Variants in RP1 observed in about 807,000 individuals in gnomAD.
RP1 encodes the protein RP1 axonemal microtubule associated.
A neutral mutation model predicts 14.8 loss-of-function variants in RP1; 16 were observed. The observed-to-expected ratio is 1.08, with a 90% CI of 0.73 to 1.65. The LOEUF (loss-of-function observed/expected upper bound fraction) is 1.65. Ranked by LOEUF, RP1 falls within the 40% of genes most tolerant of loss-of-function variation. The probability of loss-of-function intolerance (pLI) is 0.00; values close to 1 mark genes in which losing one functional copy is unlikely to be tolerated. For synonymous variants in RP1, 876 were observed against 883.6 expected, an observed-to-expected ratio of 0.99 and a Z score of 0.15; for missense variants, 2,631 against 2,535.0, an observed-to-expected ratio of 1.04 and a Z score of -0.81.
At chr8:54,676,352 G>C (rs985776014) in intron 8 of RP1, among the ~76,000 whole-genome samples, 1 of 152,178 alleles carries the variant, frequency 6.6e-6, no homozygotes, top group Non-Finnish European at 1.5e-5. Context: ...GGTAGTAGGG[G>C]TTTTTCCGTT....
chr8:54,628,482 A>G lies in RP1; in HGVS notation c.4600A>G (p.Thr1534Ala), dbSNP rs1372960521. 6.2e-7 allele frequency: 1 copy of G among 1,613,698 alleles called. No individual in the cohort carries two copies. Among genetic ancestry groups the G allele is most frequent in the South Asian group, 1.1e-5 (1 of 90,986 alleles). The change falls in exon 4 of 4, where the codon ACA becomes GCA. Residue 1534 changes from threonine (T) to alanine (A), a missense_variant. By Grantham distance (58) the Thr-to-Ala change is moderately conservative. Transcript: ENST00000220676. ...TGAAATAATCAGTAAGAGGCTGGCA[A>G]CACCACCATCTTTAGATTTTTGCTA... ...IYEIISKRLA[T>A]PPSLDFCYDS... is the part of the protein sequence containing the mutation.
intron 12 of RP1, among the ~76,000 whole-genome samples, chr8:54,687,440 C>T (rs760221095): frequency 1.4e-4 from 21 of 152,252 alleles, no homozygotes; most frequent in Non-Finnish European, 2.5e-4. Flanking sequence ...AGGTATTTCT[C>T]CTAATGCTAT....
chr8:54,583,996 T>G (rs913999716), intron 1 of RP1, among the ~76,000 whole-genome samples: 2 of 152,200 alleles, frequency 1.3e-5, no homozygotes. Context: ...GTGTCTCTAT[T>G]TCCTTCAGTT....
At chr8:54,768,481 A>G (rs1172189126) in intron 22 of RP1, among the ~76,000 whole-genome samples, 1 of 152,172 alleles carries the variant, frequency 6.6e-6, no homozygotes, top group Non-Finnish European at 1.5e-5. Flanking sequence ...ACCTGCCCAC[A>G]CAGGGCACTT....
At chr8:54,699,082 A>G (rs1290636849) in intron 12 of RP1, among the ~76,000 whole-genome samples, 1 of 151,420 alleles carries the variant, frequency 6.6e-6, no homozygotes, top group Admixed American at 6.6e-5. Flanking sequence ...ATCATTTTGT[A>G]AATATTATAT....
At chr8:54,852,443 A>T (rs1186817914) in intron 25 of RP1, 1 of 528,744 alleles carries the variant, frequency 1.9e-6, no homozygotes, top group Admixed American at 4.4e-5. Flanking sequence ...GGGTACATAG[A>T]AGAAAAAGAG....
chr8:54,768,533 A>C (rs1809820978), intron 22 of RP1, among the ~76,000 whole-genome samples: 1 of 152,200 alleles, frequency 6.6e-6, no homozygotes, highest in Non-Finnish European at 1.5e-5. Flanking sequence ...GATGGAAGGA[A>C]TGAGAGTATG....
intron 1 of RP1, among the ~76,000 whole-genome samples, chr8:54,609,577 C>CTACT (rs1166561411): frequency 6.6e-6 from 1 of 152,180 alleles, no homozygotes; most frequent in East Asian, 1.9e-4. Context: ...CCCCACAAGC[C>CTACT]TACTATACCT....
intron 15 of RP1, among the ~76,000 whole-genome samples, chr8:54,719,151 C>A (rs1808476287): frequency 6.6e-6 from 1 of 152,096 alleles, no homozygotes; most frequent in African/African-American, 2.4e-5. Flanking sequence ...ACCATGCTGC[C>A]TATGGCCCCT....
intron 3 of RP1, among the ~76,000 whole-genome samples, chr8:54,637,437 A>G (rs1806372455): frequency 6.6e-6 from 1 of 152,184 alleles, no homozygotes; most frequent in African/African-American, 2.4e-5. Context: ...TTCCATTTGC[A>G]TTTTTATTTC....
In RP1 at chr8:54,852,670, C is replaced by T. The variant is rs910411389; in HGVS notation, c.3932C>T (p.Ser1311Leu). 3.2e-6 allele frequency: 4 copies of T among 1,231,716 alleles called. No individual in the cohort carries two copies. In the African/African-American group the frequency reaches 6.2e-5, roughly 19 times the overall value. The allele number at this position is 1,231,716 out of a possible 1,614,324, so 76.3% of individuals were successfully genotyped here. ...AACCTCATCGGTACCAGAGGTGATTCAGGAAAACGAAGACTTCATCAGTCC... is the reference window on the plus strand; with the variant it reads ...AACCTCATCGGTACCAGAGGTGATTTAGGAAAACGAAGACTTCATCAGTCC... The change falls in exon 26 of 29, where the codon TCA becomes TTA. Residue 1311 changes from serine to leucine, a missense_variant. Transcript: ENST00000637698.
intron 24 of RP1, among the ~76,000 whole-genome samples, chr8:54,833,349 C>A (rs11783394): frequency 0.24 from 36,793 of 151,760 alleles, 5,188 homozygotes; most frequent in Middle Eastern, 0.45. Flanking sequence ...TTTTCTCCCT[C>A]ATTTAAGGTC....
intron 1 of RP1, among the ~76,000 whole-genome samples, chr8:54,593,772 C>T (rs1805087351): frequency 1.3e-5 from 2 of 152,222 alleles, no homozygotes; most frequent in South Asian, 4.1e-4. Context: ...CAGTGGAACT[C>T]ATATCAGGCA....
At chr8:54,798,456 G>GAA (rs1484636594) in intron 24 of RP1, among the ~76,000 whole-genome samples, 1 of 152,186 alleles carries the variant, frequency 6.6e-6, no homozygotes, top group Non-Finnish European at 1.5e-5. Context: ...AAGGAAAACT[G>GAA]AAGTCCTCAC....
At chr8:54,724,391 T>C (rs888880882) in intron 16 of RP1, among the ~76,000 whole-genome samples, 11 of 152,156 alleles carry the variant, frequency 7.2e-5, no homozygotes, top group African/African-American at 2.4e-4. Flanking sequence ...GCCTTTATAG[T>C]CTGGTAGATC....
chr8:54,726,552 CTA>C (rs1474068532), intron 17 of RP1: 4 of 1,420,120 alleles, frequency 2.8e-6, no homozygotes, highest in Non-Finnish European at 3.7e-6. Context: ...TGCAGGAAGA[CTA>C]TTAAATTATT....
Position 54,724,194 on chromosome 8 carries a change from C to T in RP1, c.2390-2151C>T, listed in dbSNP as rs115946899. Among the ~76,000 whole-genome samples, 1,379 of 152,178 alleles carry T rather than the reference C, an allele frequency of 9.1e-3. 27 individuals carry two copies. Among genetic ancestry groups the T allele is most frequent in the African/African-American group, 0.031 (1,271 of 41,530 alleles). ...CATAAAATTCTGACTATGTATATTACGGTCTTAGAAAAATATGACAAAATA... is the reference window on the plus strand; with the variant it reads ...CATAAAATTCTGACTATGTATATTATGGTCTTAGAAAAATATGACAAAATA... On this transcript the variant is annotated intron_variant, in intron 16 of 22. Transcript: ENST00000636932.
At chr8:54,795,656 GA>G (rs1354278262) in intron 24 of RP1, among the ~76,000 whole-genome samples, 8 of 151,970 alleles carry the variant, frequency 5.3e-5, no homozygotes, top group South Asian at 4.2e-4. Context: ...AAACATGAAA[GA>G]AAAAAATATC....
chr8:54,584,254 A>G (rs757184404), intron 1 of RP1, among the ~76,000 whole-genome samples: 1 of 152,130 alleles, frequency 6.6e-6, no homozygotes, highest in Admixed American at 6.5e-5. Context: ...TCATTTCGTT[A>G]TGTACCCAGT....
Sources: allele counts gnomAD v4.1 joint callset (sites outside exome capture counted in the v4.1 genomes callset), GRCh38; gene constraint gnomAD v4.1.1; transcripts MANE v1.5; gene names NCBI Gene and HGNC (gene_info 2026-07-23, HGNC 2026-07-21).